The following DPYSL2 variants were observed in gnomAD, a reference collection of about 807,000 sequenced individuals.
The protein encoded by DPYSL2 is dihydropyrimidinase-related protein 2.
In DPYSL2, 13 loss-of-function variants were observed where a neutral mutation model predicts 69.9. The observed-to-expected ratio is 0.19, with a 90% CI of 0.12 to 0.30. The LOEUF is 0.30. Among genes scored for constraint, DPYSL2 ranks in the 10% least tolerant of loss-of-function variants. DPYSL2 has a pLI of 1.00. For synonymous variants in DPYSL2, 326 were observed against 359.1 expected (o/e 0.91, Z 1.04); for missense variants, 587 against 918.9 (o/e 0.64, Z 4.67).
intron 7 of DPYSL2, among the ~76,000 whole-genome samples, chr8:26,629,327 C>T (rs112216031): frequency 0.021 from 3,226 of 150,562 alleles, 103 homozygotes; most frequent in African/African-American, 0.072. Context: ...CACACATACA[C>T]ATAGACACAC....
chr8:26,580,664 G>C lies in DPYSL2; in HGVS notation c.355-1305G>C, dbSNP rs1415079320. On this transcript the variant is annotated intron_variant, in intron 1 of 13. Coordinates refer to ENST00000521913, the MANE Select transcript of DPYSL2 (RefSeq NM_001197293.3). The surrounding 1 kb of genome is among the most constrained non-coding windows in gnomAD (Gnocchi z 4.1). Reference sequence around the variant, plus strand: ...TATCTCTTTTTTAAAGATTTTCTATGATTTCCTTTTCTTGGTAGCTGCTAA... The same window carrying C: ...TATCTCTTTTTTAAAGATTTTCTATCATTTCCTTTTCTTGGTAGCTGCTAA... Among the ~76,000 whole-genome samples the C allele has an allele frequency of 6.6e-6, 1 of 152,052 alleles. No individual in the cohort carries two copies. Among genetic ancestry groups the C allele is most frequent in the Non-Finnish European group, 1.5e-5 (1 of 68,008 alleles).
chr8:26,591,765 C>T lies in DPYSL2; in HGVS notation c.628+7782C>T, dbSNP rs1361373294. Among the ~76,000 whole-genome samples, 1 of 152,138 alleles carries T rather than the reference C, an allele frequency of 6.6e-6. No individual in the cohort carries two copies. Among genetic ancestry groups the T allele is most frequent in the Non-Finnish European group, 1.5e-5 (1 of 68,028 alleles). On this transcript the variant is annotated intron_variant, in intron 3 of 13. Transcript: ENST00000521913. The surrounding 1 kb of genome is among the most constrained non-coding windows in gnomAD (Gnocchi z 5.8). ...CTCTCCGCTTTCTCTTTGTCATCCC[C>T]CCATGGCAGCCCCTCTGCCTCTGGA...
chr8:26,648,200 CT>C lies in DPYSL2; in HGVS notation c.1596+403del, dbSNP rs1211581586. Among the ~76,000 whole-genome samples the C allele has an allele frequency of 6.6e-6, 1 of 152,112 alleles. No homozygotes were observed. Among genetic ancestry groups the C allele is most frequent in the Non-Finnish European group, 1.5e-5 (1 of 68,026 alleles). On this transcript the variant is annotated intron_variant, in intron 11 of 13. Coordinates refer to ENST00000521913, the MANE Select transcript of DPYSL2 (RefSeq NM_001197293.3). The surrounding 1 kb of genome is among the most constrained non-coding windows in gnomAD (Gnocchi z 4.3). ...CCTCTCCTGAGATGCCCACTGGGGACTTTGATCCTCTTAAGCCATTGTTTTC... is the reference window on the plus strand; with the variant it reads ...CCTCTCCTGAGATGCCCACTGGGGACTTGATCCTCTTAAGCCATTGTTTTC...
At chr8:26,524,069 A>G (rs1808436464) in intron 1 of DPYSL2, among the ~76,000 whole-genome samples, 1 of 152,228 alleles carries the variant, frequency 6.6e-6, no homozygotes. Context: ...TTTGATAACT[A>G]TTTAATTTTT....
Position 26,614,927 on chromosome 8 carries a change from T to G in DPYSL2, c.629-9216T>G, listed in dbSNP as rs776349274. 3.9e-4 allele frequency among the ~76,000 whole-genome samples: 60 copies of G among 152,218 alleles called. 1 individual carries two copies. Among genetic ancestry groups the G allele is most frequent in the Admixed American group, 8.5e-4 (13 of 15,282 alleles). ...GATAAGACTGAATTTCACTTCTCAA[T>G]TAACTAGCCCTCTTGCTCTCTTTTG... On this transcript the variant is annotated intron_variant, in intron 3 of 13. Coordinates refer to ENST00000521913, the MANE Select transcript of DPYSL2 (RefSeq NM_001197293.3). The surrounding 1 kb of genome is among the most constrained non-coding windows in gnomAD (Gnocchi z 4.9).
At chr8:26,594,763 TG>T (rs1801819786) in intron 3 of DPYSL2, among the ~76,000 whole-genome samples, 1 of 152,232 alleles carries the variant, frequency 6.6e-6, no homozygotes. Flanking sequence ...TGATTCCAGA[TG>T]GGTTATCTCA....
chr8:26,575,378 C>T lies in DPYSL2; in HGVS notation c.355-6591C>T, dbSNP rs115891257. Among the ~76,000 whole-genome samples, 793 of 152,066 alleles carry T rather than the reference C, an allele frequency of 5.2e-3. 4 individuals carry two copies. The highest frequency in any genetic ancestry group is 0.018 in the African/African-American group (764 of 41,478). Reference sequence around the variant, plus strand: ...GTTTTTTTTTTCACCTTCATCAGTGCAAAGCAGGTGGAAGATTCTCCTCGG... The same window carrying T: ...GTTTTTTTTTTCACCTTCATCAGTGTAAAGCAGGTGGAAGATTCTCCTCGG... On this transcript the variant is annotated intron_variant, in intron 1 of 13. Transcript: ENST00000521913.
At chr8:26,525,730 GT>G (rs1310894642) in intron 1 of DPYSL2, among the ~76,000 whole-genome samples, 1 of 152,118 alleles carries the variant, frequency 6.6e-6, no homozygotes, top group African/African-American at 2.4e-5. Context: ...CATTGATCCA[GT>G]TTACTAAATC....
intron 7 of DPYSL2, among the ~76,000 whole-genome samples, chr8:26,633,395 C>G (rs1298792771): frequency 6.6e-6 from 1 of 152,204 alleles, no homozygotes; most frequent in African/African-American, 2.4e-5. Flanking sequence ...GAACTTGATC[C>G]AGGGAGTCTT....
At chr8:26,618,315 CT>C (rs11384905) in intron 3 of DPYSL2, among the ~76,000 whole-genome samples, 10,388 of 145,886 alleles carry the variant, frequency 0.071, 415 homozygotes, top group African/African-American at 0.11. Context: ...GGTTTTACGC[CT>C]TTTTTTTTTT....
At chr8:26,638,904 T>G (rs757486451) in intron 8 of DPYSL2, among the ~76,000 whole-genome samples, 20 of 152,244 alleles carry the variant, frequency 1.3e-4, no homozygotes, top group Non-Finnish European at 2.4e-4. Context: ...GACCACATTT[T>G]GTCCATGTGT....
chr8:26,625,481 G>A (rs1802593294), intron 4 of DPYSL2, among the ~76,000 whole-genome samples: 2 of 152,160 alleles, frequency 1.3e-5, no homozygotes, highest in East Asian at 1.9e-4. Flanking sequence ...GCAGCTCCCA[G>A]CACCCCCCAG....
chr8:26,564,169 A>G lies in DPYSL2; in HGVS notation c.355-17800A>G, dbSNP rs192157815. Reference sequence around the variant, plus strand: ...AAATAAAGATCACAAAGTGCGCATTAGCTTCCAATTAGCATGCTGTTTGCC... The same window carrying G: ...AAATAAAGATCACAAAGTGCGCATTGGCTTCCAATTAGCATGCTGTTTGCC... On this transcript the variant is annotated intron_variant, in intron 1 of 13. Transcript: ENST00000521913. The surrounding 1 kb of genome is among the most constrained non-coding windows in gnomAD (Gnocchi z 4.8). 1.7e-3 allele frequency among the ~76,000 whole-genome samples: 252 copies of G among 152,362 alleles called. No individual in the cohort carries two copies. Among genetic ancestry groups the G allele is most frequent in the African/African-American group, 5.5e-3 (228 of 41,576 alleles).
chr8:26,607,729 G>C (rs1012914177), intron 3 of DPYSL2, among the ~76,000 whole-genome samples: 1 of 151,818 alleles, frequency 6.6e-6, no homozygotes, highest in Non-Finnish European at 1.5e-5. Context: ...GGTTGAGGCT[G>C]CAGTGAGCTA....
In DPYSL2 at chr8:26,655,557, G is replaced by A. The variant is rs111601018; in HGVS notation, c.1943-58G>A. On this transcript the variant is annotated intron_variant, in intron 13 of 13. Transcript: ENST00000521913. ...AGCTGTGAGATTTCACCTTCAAGCA[G>A]GATCTTGTGTGACTGTCCTGGCCCC... The A allele has an allele frequency of 4.0e-5, 57 of 1,436,634 alleles. No homozygotes were observed. In the East Asian group the frequency reaches 1.1e-3, roughly 27 times the overall value. The allele number at this position is 1,436,634 out of a possible 1,614,324, so 89.0% of individuals were successfully genotyped here.
chr8:26,524,801 C>CAAAAAAAA (rs753822230), intron 1 of DPYSL2, among the ~76,000 whole-genome samples: 11 of 41,112 alleles, frequency 2.7e-4, no homozygotes, highest in African/African-American at 6.0e-4. Flanking sequence ...GACTCTGTCT[C>CAAAAAAAA]AAAAAAAAAA....
chr8:26,635,262 CA>C (rs1289347450), intron 8 of DPYSL2, among the ~76,000 whole-genome samples: 2 of 152,236 alleles, frequency 1.3e-5, no homozygotes, highest in African/African-American at 4.8e-5. Context: ...TCACATCATG[CA>C]CCTCCCCTCC....
chr8:26,638,030 C>T (rs1168228003), intron 8 of DPYSL2: 1 of 152,236 alleles, frequency 6.6e-6, no homozygotes, highest in Non-Finnish European at 1.5e-5. Flanking sequence ...TTCTGGCCCC[C>T]TGAGGCAAGT....
chr8:26,655,612 C>T lies in DPYSL2; in HGVS notation c.1943-3C>T. On this transcript the variant is annotated splice_region_variant and splice_polypyrimidine_tract_variant and intron_variant, in intron 13 of 13. Coordinates refer to ENST00000521913, the MANE Select transcript of DPYSL2 (RefSeq NM_001197293.3). ...CCGCTCCTCTCTTCTCCTCTCCCTC[C>T]AGGTGCTCAGATTGATGACAACATT... 1.2e-6 allele frequency: 2 copies of T among 1,605,774 alleles called. No individual in the cohort carries two copies. Among genetic ancestry groups the T allele is most frequent in the Non-Finnish European group, 8.5e-7 (1 of 1,174,760 alleles).
Sources: allele counts gnomAD v4.1 joint callset (sites outside exome capture counted in the v4.1 genomes callset), GRCh38; gene constraint gnomAD v4.1.1; non-coding constraint Gnocchi (gnomAD v3.1); transcripts MANE v1.5; gene names NCBI Gene and HGNC (gene_info 2026-07-23, HGNC 2026-07-21).